Variants in NOTCH1 observed in about 807,000 individuals in gnomAD.
NOTCH1 encodes neurogenic locus notch homolog protein 1.
In NOTCH1, 37 loss-of-function variants were observed where a neutral mutation model predicts 254.8. The ratio of observed to expected loss-of-function variants is 0.15; its 90% CI spans 0.11 to 0.19. The LOEUF is 0.19. Among genes scored for constraint, NOTCH1 ranks in the 10% least tolerant of loss-of-function variants. The pLI is 1.00. For synonymous variants in NOTCH1, 1,731 were observed against 1,618.1 expected (o/e 1.07, Z -1.68); for missense variants, 2,972 against 3,708.6 (o/e 0.80, Z 5.16).
In NOTCH1 at chr9:136,497,267, C is replaced by T. The variant is rs1842931985; in HGVS notation, c.6472G>A (p.Val2158Ile). 6.2e-7 allele frequency: 1 copy of T among 1,611,046 alleles called. No homozygotes were observed. ...SLKPGVQGKK[V>I]RKPSSKGLAC... ...AGGCCTTTGCTGCTGGGCTTGCGGA[C>T]CTTCTTGCCCTGCACGCCGGGCTTG... is the stretch of plus-strand genomic sequence containing the variant. Residue 2158 changes from valine (V) to isoleucine (I), a missense_variant, in exon 34 of 34, where the codon GTC becomes ATC. Val to Ile is a conservative substitution (Grantham distance 29). This residue lies in a region of NOTCH1 where 529 missense variants were observed against 529.2 expected (regional missense o/e 1.00). Coordinates refer to ENST00000651671, the MANE Select transcript of NOTCH1 (RefSeq NM_017617.5).
At position 136,513,043 on chromosome 9, in the gene NOTCH1, G is replaced by T; in HGVS notation, c.2445C>A (p.Cys815Ter). The T allele has an allele frequency of 7.4e-7, 1 of 1,359,068 alleles. No individual in the cohort carries two copies. The highest frequency in any genetic ancestry group is 1.0e-6 in the Non-Finnish European group (1 of 1,002,670). 84.2% of individuals were successfully genotyped at this position (1,359,068 alleles called of 1,614,324 possible). A position where few individuals can be genotyped will look rare whatever the true frequency, so the allele number is the denominator to read the frequency against. The change falls in exon 15 of 34, where the codon TGC becomes TGA. Residue 815 changes from cysteine (C) to a stop codon, truncating the protein, a stop_gained. Transcript: ENST00000651671. LOFTEE classifies it high-confidence loss of function. This position sits in a 1 kb window ranked among gnomAD's most constrained non-coding sequence, Gnocchi z 4.7. ...TCIDDVAGYK[C>*]NCLLPYTGAT... ...CACCTGTGTAGGGCAGCAGGCAGTT[G>T]CACTTGTACCCGGCAACGTCGTCAA...
chr9:136,511,229 G>C lies in NOTCH1; in HGVS notation c.2510C>G (p.Pro837Arg), dbSNP rs777663026. 3.7e-6 allele frequency: 6 copies of C among 1,612,586 alleles called. No individual in the cohort carries two copies. The highest frequency in any genetic ancestry group is 4.2e-6 in the Non-Finnish European group (5 of 1,179,970). The change falls in exon 16 of 34, where the codon CCC (proline) becomes CGC (arginine). Residue 837 changes from proline (P) to arginine (R), a missense_variant. Pro to Arg is a moderately radical substitution (Grantham distance 103). This residue lies in a region of NOTCH1 where 1,343 missense variants were observed against 1,557.0 expected (regional missense o/e 0.86). Coordinates refer to ENST00000651671, the MANE Select transcript of NOTCH1 (RefSeq NM_017617.5). ...CCTGCACTCCCCGCCGTTTCTGCAGGGGCTGGGGGCACACGGGGCCAGCAC... is the reference window on the plus strand; with the variant it reads ...CCTGCACTCCCCGCCGTTTCTGCAGCGGCTGGGGGCACACGGGGCCAGCAC... ...EVVLAPCAPSPCRNGGECRQS... is the reference protein window; with the variant it reads ...EVVLAPCAPSRCRNGGECRQS...
At chr9:136,534,226 C>T (rs1041313719) in intron 2 of NOTCH1, among the ~76,000 whole-genome samples, 5 of 152,184 alleles carry the variant, frequency 3.3e-5, no homozygotes, top group African/African-American at 9.7e-5. Flanking sequence ...CAGGCTGGGG[C>T]GAGACTGGCC....
At chr9:136,541,212 C>T (rs1463189743) in intron 2 of NOTCH1, among the ~76,000 whole-genome samples, 1 of 152,180 alleles carries the variant, frequency 6.6e-6, no homozygotes, top group African/African-American at 2.4e-5. Flanking sequence ...CACTGGCTGA[C>T]CAGGCCACGG....
rs1842901522 is a variant in NOTCH1, at chr9:136,495,485, G to C, written c.*586C>G. 1 of 399,476 alleles carries C rather than the reference G, an allele frequency of 2.5e-6. No homozygotes were observed. 24.7% of individuals were successfully genotyped at this position (399,476 alleles called of 1,614,324 possible). On this transcript the variant is annotated 3_prime_UTR_variant, in exon 34 of 34. Transcript: ENST00000651671. The stretch of plus-strand genomic sequence containing the variant: ...ATGCTTTCACTTGTTTCCTATTTCA[G>C]ATGCAAATTAATCCGCGTGCGGAAG...
chr9:136,502,583 C>G (rs1205688371), intron 27 of NOTCH1, 95 bp from the exon 28 acceptor site: 2 of 711,340 alleles, frequency 2.8e-6, no homozygotes, highest in Non-Finnish European at 4.4e-6. Context: ...GCTCCGCGTC[C>G]GGGCGCCTCC....
Position 136,513,025 on chromosome 9 carries a change from G to A in NOTCH1, c.2463C>T (p.Tyr821=). ...AGYKCNCLLP[Y]TGATCEVVLA... is the part of the protein sequence containing the mutation. ...CAGGCCCCACCCACCCCTCACCTGTGTAGGGCAGCAGGCAGTTGCACTTGT... is the reference window on the plus strand; with the variant it reads ...CAGGCCCCACCCACCCCTCACCTGTATAGGGCAGCAGGCAGTTGCACTTGT... Residue 821 remains tyrosine, a synonymous_variant, in exon 15 of 34, where the codon TAC becomes TAT. Transcript: ENST00000651671. The surrounding 1 kb of genome is among the most constrained non-coding windows in gnomAD (Gnocchi z 4.7). The A allele has an allele frequency of 6.4e-7, 1 of 1,552,376 alleles. No individual in the cohort carries two copies. The highest frequency in any genetic ancestry group is 1.4e-5 in the African/African-American group (1 of 71,686).
chr9:136,532,158 G>A (rs1441863958), intron 2 of NOTCH1, among the ~76,000 whole-genome samples: 1 of 152,162 alleles, frequency 6.6e-6, no homozygotes, highest in Non-Finnish European at 1.5e-5. Context: ...CTGGGGGAGG[G>A]GCCTGCAGTG....
At chr9:136,504,587 G>T in intron 26 of NOTCH1, 86 bp downstream of exon 26, 1 of 1,353,434 alleles carries the variant, frequency 7.4e-7, no homozygotes, top group Non-Finnish European at 9.8e-7. Context: ...TGCTTGCCAT[G>T]GCGCCGGCCG....
chr9:136,522,739 C>T, intron 4 of NOTCH1, 111 bp downstream of exon 4: 1 of 1,085,540 alleles, frequency 9.2e-7, no homozygotes, highest in Non-Finnish European at 1.3e-6. Context: ...CTTCCCAACT[C>T]CCCGCCATGG....
At chr9:136,511,403 G>C (rs1843180053) in intron 15 of NOTCH1, 132 bp from the exon 16 acceptor site, 1 of 1,199,808 alleles carries the variant, frequency 8.3e-7, no homozygotes, top group Admixed American at 2.2e-5. Flanking sequence ...TGTGCACCGA[G>C]ACCCCTGAGC....
At chr9:136,543,777 C>T (rs919604046) in intron 2 of NOTCH1, 21 of 607,172 alleles carry the variant, frequency 3.5e-5, no homozygotes, top group Admixed American at 5.3e-5. Flanking sequence ...TTAGTGACCC[C>T]GGAGCCTGAG....
Position 136,506,893 on chromosome 9 carries a change from C to T in NOTCH1, c.3724G>A (p.Gly1242Ser), listed in dbSNP as rs558191127. 19 of 1,611,506 alleles carry T rather than the reference C, an allele frequency of 1.2e-5. No individual in the cohort carries two copies. The highest frequency in any genetic ancestry group is 6.7e-5 in the East Asian group (3 of 44,792). Residue 1242 changes from glycine to serine, a missense_variant, in exon 23 of 34, where the codon GGC (glycine) becomes AGC (serine). Gly to Ser is a moderately conservative substitution (Grantham distance 56). Transcript: ENST00000651671. This position sits in a 1 kb window ranked among gnomAD's most constrained non-coding sequence, Gnocchi z 4.5. ...VSRSPKCFNN[G>S]TCVDQVGGYS... Reference sequence around the variant, plus strand: ...CCGCCCACCTGGTCCACGCAGGTGCCGTTGTTAAAGCACTTGGGGCTCCGG... The same window carrying T: ...CCGCCCACCTGGTCCACGCAGGTGCTGTTGTTAAAGCACTTGGGGCTCCGG...
At chr9:136,535,755 C>T (rs748101675) in intron 2 of NOTCH1, among the ~76,000 whole-genome samples, 74 of 16,236 alleles carry the variant, frequency 4.6e-3, no homozygotes, top group East Asian at 0.037. Flanking sequence ...GGATCCCTCC[C>T]GGGGCAATGA....
intron 5 of NOTCH1, among the ~76,000 whole-genome samples, 154 bp downstream of exon 5, chr9:136,519,287 TGG>T (rs1843328648): frequency 6.6e-6 from 1 of 152,198 alleles, no homozygotes; most frequent in Non-Finnish European, 1.5e-5. Context: ...CCACGGGAAG[TGG>T]GGCCCCCATC....
At chr9:136,530,459 G>C (rs577119902) in intron 2 of NOTCH1, among the ~76,000 whole-genome samples, 25 of 152,314 alleles carry the variant, frequency 1.6e-4, no homozygotes, top group Middle Eastern at 3.4e-3. Context: ...GCATCTGACC[G>C]ACAGAAGGCC....
Position 136,496,028 on chromosome 9 carries a change from G to A in NOTCH1, c.*43C>T, listed in dbSNP as rs763277942. ...ATCCACAGAGCGCACACAGACGCCC[G>A]AAGGCTTGGGAAAGGAAGCCGGGGT... On this transcript the variant is annotated 3_prime_UTR_variant, in exon 34 of 34. Transcript: ENST00000651671. 16 of 1,574,488 alleles carry A rather than the reference G, an allele frequency of 1.0e-5. No homozygotes were observed. The highest frequency in any genetic ancestry group is 9.1e-5 in the East Asian group (4 of 43,978).
At chr9:136,504,402 A>G (rs1843044516) in intron 26 of NOTCH1, among the ~76,000 whole-genome samples, 1 of 152,118 alleles carries the variant, frequency 6.6e-6, no homozygotes. Flanking sequence ...AAAATCACCT[A>G]CTGGGCACAG....
rs575739484 is a variant in NOTCH1 at position 136,545,520 on chromosome 9, G to A, written c.61+206C>T. ...TCGGCTCCAGGCACGGGCGGCGCGAGTCCGCCTCCACGGGGGGATCGAGGG... is the reference window on the plus strand; with the variant it reads ...TCGGCTCCAGGCACGGGCGGCGCGAATCCGCCTCCACGGGGGGATCGAGGG... On this transcript the variant is annotated intron_variant, in intron 1 of 33. Transcript: ENST00000651671. The surrounding 1 kb of genome is among the most constrained non-coding windows in gnomAD (Gnocchi z 6.8). Among the ~76,000 whole-genome samples the A allele has an allele frequency of 3.3e-5, 5 of 151,726 alleles. No individual in the cohort carries two copies. The South Asian group carries it at 1.0e-3, about 32-fold the overall frequency.
Sources: gnomAD v4.1 joint callset for allele counts (sites outside exome capture counted in the v4.1 genomes callset) on GRCh38, gnomAD v4.1.1 for gene constraint, gnomAD v4.1.1 regional missense constraint, Gnocchi (gnomAD v3.1) non-coding constraint, MANE v1.5 for transcripts, NCBI Gene and HGNC (gene_info 2026-07-23, HGNC 2026-07-21) for gene names.